Variants in COL4A2 observed in about 807,000 individuals in gnomAD.
The protein encoded by COL4A2 is collagen alpha-2(IV) chain.
COL4A2 carries 99 observed loss-of-function variants against 200.2 expected under a neutral mutation model. That is an observed-to-expected ratio of 0.49 (90% CI 0.42 to 0.58). The LOEUF is 0.58. Among genes scored for constraint, COL4A2 ranks in the 20% least tolerant of loss-of-function variants. COL4A2 has a pLI of 0.00. For missense variants in COL4A2, 1,950 were observed against 2,314.1 expected (o/e 0.84, Z 3.23); for synonymous variants, 897 against 900.6 (o/e 1.00, Z 0.07).
intron 4 of COL4A2, among the ~76,000 whole-genome samples, chr13:110,414,935 T>G (rs77222844): frequency 6.6e-6 from 1 of 152,262 alleles, no homozygotes; most frequent in Admixed American, 6.5e-5. Context: ...GAATTTTTTT[T>G]GTTAATTATC....
chr13:110,373,648 T>C (rs1878112306), intron 4 of COL4A2, among the ~76,000 whole-genome samples: 1 of 152,222 alleles, frequency 6.6e-6, no homozygotes, highest in South Asian at 2.1e-4. Flanking sequence ...TTACACATGC[T>C]TGGTTGTGCA....
In COL4A2 at chr13:110,432,474, T is replaced by C. The variant is rs1880718959; in HGVS notation, c.684+114T>C. 43 of 1,291,994 alleles carry C rather than the reference T, an allele frequency of 3.3e-5. No individual in the cohort carries two copies. In the South Asian group the frequency reaches 8.0e-4, roughly 24 times the overall value. 80.0% of individuals were successfully genotyped at this position (1,291,994 alleles called of 1,614,324 possible). ...TGGCAACTATTTATTGTTTATATTATGATGAAAACAGTTTTGGAGGTTTTT... is the reference window on the plus strand; with the variant it reads ...TGGCAACTATTTATTGTTTATATTACGATGAAAACAGTTTTGGAGGTTTTT... On this transcript the variant is annotated intron_variant, in intron 11 of 47. Transcript: ENST00000360467.
chr13:110,434,145 A>G (rs1175477707), intron 11 of COL4A2, among the ~76,000 whole-genome samples: 2 of 152,158 alleles, frequency 1.3e-5, no homozygotes, highest in African/African-American at 2.4e-5. Flanking sequence ...TGCAGAGACC[A>G]TATACTCACG....
chr13:110,485,764 C>T lies in COL4A2; in HGVS notation c.3135C>T (p.Pro1045=), dbSNP rs187735087. The T allele has an allele frequency of 9.4e-5, 152 of 1,613,946 alleles. No homozygotes were observed. The East Asian group carries it at 2.4e-3, about 25-fold the overall frequency. ...GAGACATCGGAGTCCCCGGCATCCCCGGTTTGCCAGGATTCCCTGGGGTGG... is the reference window on the plus strand; with the variant it reads ...GAGACATCGGAGTCCCCGGCATCCCTGGTTTGCCAGGATTCCCTGGGGTGG... ...VKGDIGVPGI[P]GLPGFPGVAG... is the part of the protein sequence containing the mutation. The change falls in exon 34 of 48, where the codon CCC becomes CCT. Residue 1045 remains proline (P), a synonymous_variant. Coordinates refer to ENST00000360467, the MANE Select transcript of COL4A2 (RefSeq NM_001846.4).
intron 4 of COL4A2, among the ~76,000 whole-genome samples, chr13:110,366,670 G>T (rs1877767325): frequency 6.6e-6 from 1 of 152,154 alleles, no homozygotes; most frequent in African/African-American, 2.4e-5. Context: ...AGGAAATGGG[G>T]TCCCTTCATC....
At chr13:110,358,118 C>T (rs749953650) in intron 4 of COL4A2, among the ~76,000 whole-genome samples, 1 of 152,158 alleles carries the variant, frequency 6.6e-6, no homozygotes, top group Non-Finnish European at 1.5e-5. Context: ...TGCAATAACA[C>T]TTAGCTTAAA....
rs923997218 is a variant in COL4A2 at position 110,388,247 on chromosome 13, A to G, written c.180+30695A>G. On this transcript the variant is annotated intron_variant, in intron 4 of 47. Coordinates refer to ENST00000360467, the MANE Select transcript of COL4A2 (RefSeq NM_001846.4). Reference sequence around the variant, plus strand: ...CGGCGGCAAGCGAGCCCTCAAGCGCAGTCTGCATTTCCCCAGCCGCAGCCA... The same window carrying G: ...CGGCGGCAAGCGAGCCCTCAAGCGCGGTCTGCATTTCCCCAGCCGCAGCCA... Among the ~76,000 whole-genome samples, 8 of 152,328 alleles carry G rather than the reference A, an allele frequency of 5.3e-5. No individual in the cohort carries two copies. In the South Asian group the frequency reaches 6.2e-4, roughly 12 times the overall value.
intron 4 of COL4A2, among the ~76,000 whole-genome samples, chr13:110,375,617 G>A (rs1437478544): frequency 6.6e-6 from 1 of 152,184 alleles, no homozygotes; most frequent in African/African-American, 2.4e-5. Context: ...ATCACTTGTG[G>A]TCAGGAGTTC....
rs372059621 is a variant in COL4A2, at chr13:110,320,882, C to T, written c.99+12759C>T. Among the ~76,000 whole-genome samples the T allele has an allele frequency of 2.0e-5, 3 of 152,256 alleles. No homozygotes were observed. In the East Asian group the frequency reaches 5.8e-4, roughly 29 times the overall value. On this transcript the variant is annotated intron_variant, in intron 3 of 47. Transcript: ENST00000360467. The stretch of plus-strand genomic sequence containing the variant: ...CATTTTTGCCTTCATGTTGATTTTT[C>T]TTCCTCATTGGGTTTAATTAACTAG...
intron 4 of COL4A2, among the ~76,000 whole-genome samples, chr13:110,370,000 G>A (rs1254574471): frequency 6.6e-6 from 1 of 152,122 alleles, no homozygotes; most frequent in Non-Finnish European, 1.5e-5. Context: ...CTTGTTCTGA[G>A]CGTCTCACTT....
chr13:110,401,133 C>T (rs1319715849), intron 4 of COL4A2, among the ~76,000 whole-genome samples: 1 of 152,176 alleles, frequency 6.6e-6, no homozygotes, highest in East Asian at 1.9e-4. Flanking sequence ...TAAATTCATT[C>T]CCATTTGTTT....
At chr13:110,429,145 G>A (rs1449792287) in intron 7 of COL4A2, 1 of 152,134 alleles carries the variant, frequency 6.6e-6, no homozygotes, top group African/African-American at 2.4e-5. Flanking sequence ...ATTTTGTTTG[G>A]TGAGACTTTT....
intron 4 of COL4A2, among the ~76,000 whole-genome samples, chr13:110,367,081 G>A (rs1317051514): frequency 6.6e-6 from 1 of 152,186 alleles, no homozygotes; most frequent in Non-Finnish European, 1.5e-5. Flanking sequence ...CATTCTAGGA[G>A]AATGGCAGCA....
chr13:110,502,096 A>G (rs1180769846), intron 41 of COL4A2, among the ~76,000 whole-genome samples: 1 of 152,214 alleles, frequency 6.6e-6, no homozygotes, highest in African/African-American at 2.4e-5. Context: ...CAAGTATTAA[A>G]TTTAATTTGC....
At position 110,445,842 on chromosome 13, in the gene COL4A2, T is replaced by C. The variant is rs1181529044; in HGVS notation, c.971T>C (p.Leu324Pro). The stretch of plus-strand genomic sequence containing the variant: ...TCTTTCTTGCAGGGAAGCCGAGGCC[T>C]GGATGGCTATCAAGGGCCTGATGGA... ...GSPGQKGSRG[L>P]DGYQGPDGPR... The change falls in exon 17 of 48, where the codon CTG becomes CCG. Residue 324 changes from leucine (L) to proline (P), a missense_variant. Coordinates refer to ENST00000360467, the MANE Select transcript of COL4A2 (RefSeq NM_001846.4). 2 of 1,614,198 alleles carry C rather than the reference T, an allele frequency of 1.2e-6. No individual in the cohort carries two copies. The highest frequency in any genetic ancestry group is 2.7e-5 in the African/African-American group (2 of 75,060).
At chr13:110,448,953 C>T (rs1881430448) in intron 18 of COL4A2, among the ~76,000 whole-genome samples, 1 of 152,218 alleles carries the variant, frequency 6.6e-6, no homozygotes, top group African/African-American at 2.4e-5. Context: ...CGGAGCGCAG[C>T]CCCCTGCACA....
intron 20 of COL4A2, among the ~76,000 whole-genome samples, chr13:110,451,651 A>G (rs1881541948): frequency 6.6e-6 from 1 of 152,244 alleles, no homozygotes; most frequent in Non-Finnish European, 1.5e-5. Flanking sequence ...AACTGCCTCC[A>G]TGATTCCATT....
chr13:110,488,759 G>A (rs9555710), intron 34 of COL4A2, among the ~76,000 whole-genome samples: 21,864 of 152,146 alleles, frequency 0.14, 1,585 homozygotes, highest in African/African-American at 0.19. Context: ...GCGTGAATAC[G>A]CTCTTGAGAC....
chr13:110,324,525 G>C (rs1412375979), intron 3 of COL4A2, among the ~76,000 whole-genome samples: 1 of 152,244 alleles, frequency 6.6e-6, no homozygotes, highest in Non-Finnish European at 1.5e-5. Context: ...TGAAGCCCCA[G>C]TCCTGGCTGG....
Sources: allele counts gnomAD v4.1 joint callset (sites outside exome capture counted in the v4.1 genomes callset), GRCh38; gene constraint gnomAD v4.1.1; transcripts MANE v1.5; gene names NCBI Gene and HGNC (gene_info 2026-07-23, HGNC 2026-07-21).